The following TENM3 variants were observed in gnomAD, a reference collection of about 807,000 sequenced individuals.
The protein encoded by TENM3 is teneurin-3.
TENM3 carries 63 observed loss-of-function variants against 255.1 expected under a neutral mutation model. The observed-to-expected ratio is 0.25, with a 90% CI of 0.20 to 0.30. The LOEUF is 0.30. TENM3 is among the 10% of genes least tolerant of loss of function. The probability of loss-of-function intolerance (pLI) is 1.00; values close to 1 mark genes in which losing one functional copy is unlikely to be tolerated. For missense variants in TENM3, 2,929 were observed against 3,461.1 expected (o/e 0.85, Z 3.86); for synonymous variants, 1,306 against 1,322.3 (o/e 0.99, Z 0.27).
rs182300431 is a variant in TENM3 at position 182,184,406 on chromosome 4, G to T, written c.-76+39652G>T. The stretch of plus-strand genomic sequence containing the variant: ...AAAGCACCAAAAATTTCCAAAAATT[G>T]CCCTTTCATCACAGATGTAAGCACT... On this transcript the variant is annotated intron_variant, in intron 1 of 2. Transcript: ENST00000512480. Among the ~76,000 whole-genome samples, 11 of 151,348 alleles carry T rather than the reference G, an allele frequency of 7.3e-5. No homozygotes were observed. In the East Asian group the frequency reaches 1.7e-3, roughly 24 times the overall value.
At chr4:182,622,881 G>A (rs1750428928) in intron 4 of TENM3, among the ~76,000 whole-genome samples, 2 of 152,168 alleles carry the variant, frequency 1.3e-5, no homozygotes, top group South Asian at 4.1e-4. Context: ...ATTCTAATGG[G>A]AGAAGACAAA....
the TENM3 span, among the ~76,000 whole-genome samples, chr4:181,498,988 A>C: frequency 1.3e-5 from 2 of 152,216 alleles, no homozygotes; most frequent in African/African-American, 4.8e-5. Context: ...AGTTGTTCAA[A>C]AAATAACTCT....
chr4:181,658,271 C>A, the TENM3 span, among the ~76,000 whole-genome samples: 1 of 152,234 alleles, frequency 6.6e-6, no homozygotes, highest in Admixed American at 6.5e-5. Flanking sequence ...TTCATACTAC[C>A]TGTTAAACTA....
chr4:181,949,487 A>G, the TENM3 span, among the ~76,000 whole-genome samples: 1 of 151,966 alleles, frequency 6.6e-6, no homozygotes, highest in Non-Finnish European at 1.5e-5. Context: ...AAATCCTATT[A>G]TTTTCCTCAA....
the TENM3 span, among the ~76,000 whole-genome samples, chr4:181,796,878 A>G: frequency 6.6e-6 from 1 of 152,158 alleles, no homozygotes; most frequent in East Asian, 1.9e-4. Context: ...ATCCACTTTT[A>G]CATCTCAGAA....
chr4:181,836,863 A>G, the TENM3 span, among the ~76,000 whole-genome samples: 4,602 of 152,274 alleles, frequency 0.03, 221 homozygotes, highest in African/African-American at 0.11. Flanking sequence ...AGGAAAATTG[A>G]TACCTTTAAA....
chr4:181,783,032 T>G, the TENM3 span, among the ~76,000 whole-genome samples: 1 of 152,322 alleles, frequency 6.6e-6, no homozygotes, highest in Non-Finnish European at 1.5e-5. Context: ...AGGAGTGCTT[T>G]ACTTCCACCT....
chr4:182,410,162 G>T (rs935611953), intron 3 of TENM3, among the ~76,000 whole-genome samples: 5 of 152,138 alleles, frequency 3.3e-5, no homozygotes, highest in Admixed American at 2.0e-4. Context: ...CAGGGATCAC[G>T]TTCTTCTATT....
At chr4:182,233,265 G>A (rs1459416215) in intron 1 of TENM3, among the ~76,000 whole-genome samples, 3 of 152,162 alleles carry the variant, frequency 2.0e-5, no homozygotes, top group Admixed American at 2.0e-4. Flanking sequence ...AGACTTCCAG[G>A]CATCTATCCT....
intron 3 of TENM3, among the ~76,000 whole-genome samples, chr4:182,440,949 G>T (rs571943805): frequency 1.3e-5 from 2 of 152,060 alleles, no homozygotes; most frequent in South Asian, 4.2e-4. Context: ...CCCAGTTCCC[G>T]ATAGTTACCT....
At chr4:181,858,848 G>A in the TENM3 span, among the ~76,000 whole-genome samples, 4 of 152,164 alleles carry the variant, frequency 2.6e-5, no homozygotes, top group Non-Finnish European at 5.9e-5. Context: ...AGTTGTACAG[G>A]GGGCTTAATG....
At chr4:182,047,016 G>C in the TENM3 span, among the ~76,000 whole-genome samples, 1 of 151,904 alleles carries the variant, frequency 6.6e-6, no homozygotes, top group Non-Finnish European at 1.5e-5. Flanking sequence ...AATGTTGAAA[G>C]CTTTACCTCT....
At chr4:182,500,988 T>G (rs541409729) in intron 3 of TENM3, among the ~76,000 whole-genome samples, 1 of 152,180 alleles carries the variant, frequency 6.6e-6, no homozygotes, top group South Asian at 2.1e-4. Context: ...TTGGAGAGAT[T>G]TCCTTTATTT....
chr4:182,297,778 G>A (rs4862038), intron 1 of TENM3, among the ~76,000 whole-genome samples: 3,534 of 152,262 alleles, frequency 0.023, 78 homozygotes, highest in Admixed American at 0.067. Flanking sequence ...ACAGGCTACC[G>A]GGCAGCCAGG....
intron 1 of TENM3, among the ~76,000 whole-genome samples, chr4:182,227,609 A>T (rs1242419956): frequency 7.1e-6 from 1 of 140,998 alleles, no homozygotes; most frequent in African/African-American, 2.6e-5. Context: ...CTTTAGTCTA[A>T]TTTTTTTCTT....
intron 22 of TENM3, among the ~76,000 whole-genome samples, chr4:182,762,392 G>A (rs10520542): frequency 0.31 from 47,575 of 152,034 alleles, 7,882 homozygotes; most frequent in African/African-American, 0.38. Flanking sequence ...CACGGTGATT[G>A]TCAGATATTT....
intron 19 of TENM3, among the ~76,000 whole-genome samples, chr4:182,748,447 G>A (rs898419827): frequency 3.3e-5 from 5 of 152,034 alleles, no homozygotes; most frequent in African/African-American, 9.7e-5. Flanking sequence ...TTCACCACTC[G>A]TTGTACCCAC....
intron 2 of TENM3, among the ~76,000 whole-genome samples, chr4:182,345,346 A>T (rs1351857003): frequency 1.3e-5 from 2 of 152,246 alleles, no homozygotes; most frequent in Non-Finnish European, 2.9e-5. Flanking sequence ...AATAATTTAT[A>T]ATACCCTCTT....
rs1018972908 is a variant in TENM3 at position 182,520,284 on chromosome 4, T to C, written c.512-80640T>C. Among the ~76,000 whole-genome samples the C allele has an allele frequency of 2.6e-5, 4 of 152,158 alleles. 1 individual carries two copies. The highest frequency in any genetic ancestry group is 4.4e-5 in the Non-Finnish European group (3 of 68,000). On this transcript the variant is annotated intron_variant, in intron 3 of 27. Coordinates refer to ENST00000511685, the MANE Select transcript of TENM3 (RefSeq NM_001080477.4). ...TAAAAAAATCAATTGTATTTCTACATTGTAGCAACAAACAGTCTGAAAACA... is the reference window on the plus strand; with the variant it reads ...TAAAAAAATCAATTGTATTTCTACACTGTAGCAACAAACAGTCTGAAAACA...
Sources: allele counts gnomAD v4.1 joint callset (sites outside exome capture counted in the v4.1 genomes callset), GRCh38; gene constraint gnomAD v4.1.1; transcripts MANE v1.5; gene names NCBI Gene and HGNC (gene_info 2026-07-23, HGNC 2026-07-21).